Variants in RAD51B observed in about 807,000 individuals in gnomAD.
RAD51B encodes RAD51 paralog B, also known as DNA repair protein RAD51 homolog 2.
In RAD51B, 38 loss-of-function variants were observed where a neutral mutation model predicts 42.2. That is an observed-to-expected ratio of 0.90 (90% CI 0.70 to 1.18). RAD51B has a LOEUF of 1.18. Among genes scored for constraint, RAD51B ranks in the 50% most tolerant of loss-of-function variants. The pLI, the probability that RAD51B is intolerant of heterozygous loss-of-function variation, is 0.00. For synonymous variants in RAD51B, 154 were observed against 145.2 expected, an observed-to-expected ratio of 1.06 and a Z score of -0.43; for missense variants, 373 against 400.7, an observed-to-expected ratio of 0.93 and a Z score of 0.59.
At chr14:67,912,182 A>C (rs1352624642) in intron 7 of RAD51B, among the ~76,000 whole-genome samples, 3 of 152,240 alleles carry the variant, frequency 2.0e-5, no homozygotes, top group African/African-American at 7.2e-5. Flanking sequence ...TTCAATTCAC[A>C]AATTAGATTA....
At chr14:68,200,728 A>C (rs1431283631) in intron 7 of RAD51B, among the ~76,000 whole-genome samples, 1 of 152,116 alleles carries the variant, frequency 6.6e-6, no homozygotes, top group Non-Finnish European at 1.5e-5. Flanking sequence ...ATCACGGCTC[A>C]CTGTAGCCTC....
In RAD51B at chr14:68,551,747, A is replaced by AT. The variant is rs1052686482; in HGVS notation, c.1037-42736dup. 2.0e-5 allele frequency among the ~76,000 whole-genome samples: 3 copies of AT among 152,348 alleles called. No individual in the cohort carries two copies. In the East Asian group the frequency reaches 5.8e-4, roughly 29 times the overall value. The stretch of plus-strand genomic sequence containing the variant: ...TTAATAATAATAATAATAGCTCTGC[A>AT]TTATTAATCATTTTCCATGTGCAGG... On this transcript the variant is annotated intron_variant, in intron 10 of 10. Coordinates refer to the RAD51B transcript ENST00000487270.
chr14:68,663,197 G>T (rs1043284442), intron 11 of RAD51B, among the ~76,000 whole-genome samples: 4 of 152,204 alleles, frequency 2.6e-5, no homozygotes, highest in African/African-American at 9.6e-5. Flanking sequence ...AGCTACTCAG[G>T]AGGCTGAGGC....
intron 7 of RAD51B, among the ~76,000 whole-genome samples, chr14:68,186,373 A>G (rs1341693558): frequency 6.6e-6 from 1 of 152,226 alleles, no homozygotes; most frequent in South Asian, 2.1e-4. Flanking sequence ...GGACCTAATT[A>G]AACTAAAAAG....
At chr14:68,500,656 C>T (rs1884853876) in intron 10 of RAD51B, among the ~76,000 whole-genome samples, 1 of 152,206 alleles carries the variant, frequency 6.6e-6, no homozygotes, top group Non-Finnish European at 1.5e-5. Context: ...AAAACATTTG[C>T]ATTCAGGGGG....
chr14:67,950,862 T>C (rs2074431192), intron 7 of RAD51B, among the ~76,000 whole-genome samples: 1 of 152,208 alleles, frequency 6.6e-6, no homozygotes, highest in Admixed American at 6.5e-5. Context: ...TTAAATGGAC[T>C]AATTTTCATA....
At chr14:68,431,490 G>A (rs2085005264) in intron 9 of RAD51B, among the ~76,000 whole-genome samples, 1 of 152,192 alleles carries the variant, frequency 6.6e-6, no homozygotes, top group South Asian at 2.1e-4. Flanking sequence ...GAGGGTGTAT[G>A]TGTCCAGAAA....
At chr14:68,057,609 T>G (rs2076497861) in intron 7 of RAD51B, among the ~76,000 whole-genome samples, 1 of 152,108 alleles carries the variant, frequency 6.6e-6, no homozygotes, top group Non-Finnish European at 1.5e-5. Context: ...AATTGGAAAA[T>G]TATTGTTCAT....
intron 1 of RAD51B, among the ~76,000 whole-genome samples, chr14:67,820,960 G>C (rs1366196914): frequency 6.6e-6 from 1 of 152,178 alleles, no homozygotes; most frequent in Non-Finnish European, 1.5e-5. Flanking sequence ...GAGTGAGAAG[G>C]AAGTGAGGGA....
At chr14:68,598,952 G>A (rs111467055), downstream of RAD51B, among the ~76,000 whole-genome samples, 217 of 152,316 alleles carry the variant, frequency 1.4e-3, 1 homozygote, top group African/African-American at 5.0e-3. Flanking sequence ...AGATATCACT[G>A]AGAGGAACTG....
chr14:68,166,101 A>G (rs2140840430), intron 7 of RAD51B, among the ~76,000 whole-genome samples: 1 of 151,630 alleles, frequency 6.6e-6, no homozygotes, highest in South Asian at 2.1e-4. Flanking sequence ...CCAAAAGTTG[A>G]GATCTGTATT....
intron 7 of RAD51B, among the ~76,000 whole-genome samples, chr14:68,056,145 G>T (rs891522336): frequency 2.0e-5 from 3 of 151,936 alleles, no homozygotes; most frequent in African/African-American, 7.3e-5. Context: ...AGTGTTATTT[G>T]CTAAAGAAAA....
intron 2 of RAD51B, among the ~76,000 whole-genome samples, 187 bp downstream of exon 2, chr14:67,823,814 C>T (rs1396962642): frequency 1.3e-5 from 2 of 152,150 alleles, no homozygotes; most frequent in Non-Finnish European, 2.9e-5. Flanking sequence ...ATTTCATTTA[C>T]CCAAATTTAG....
At chr14:68,229,174 C>G (rs1467268027) in intron 7 of RAD51B, among the ~76,000 whole-genome samples, 2 of 152,172 alleles carry the variant, frequency 1.3e-5, no homozygotes, top group Non-Finnish European at 2.9e-5. Context: ...AAACAAGCTT[C>G]TCTAGACAGC....
intron 7 of RAD51B, among the ~76,000 whole-genome samples, chr14:68,195,578 A>G (rs2079352545): frequency 6.6e-6 from 1 of 152,196 alleles, no homozygotes; most frequent in Non-Finnish European, 1.5e-5. Context: ...AATAATACGT[A>G]TCTTTTCTCA....
intron 7 of RAD51B, among the ~76,000 whole-genome samples, chr14:68,176,840 C>T (rs1244583092): frequency 1.3e-5 from 2 of 152,144 alleles, no homozygotes; most frequent in African/African-American, 2.4e-5. Flanking sequence ...GTATCTTACA[C>T]AGAAGGCTTC....
chr14:68,502,578 A>T (rs868797271), intron 10 of RAD51B, among the ~76,000 whole-genome samples: 1 of 152,174 alleles, frequency 6.6e-6, no homozygotes, highest in South Asian at 2.1e-4. Flanking sequence ...AAATGCAAAG[A>T]CCACCCACCT....
chr14:68,342,157 C>G (rs2082584420), intron 8 of RAD51B, among the ~76,000 whole-genome samples: 1 of 152,218 alleles, frequency 6.6e-6, no homozygotes, highest in Non-Finnish European at 1.5e-5. Flanking sequence ...GATGTGAACA[C>G]TTGAAGACAG....
intron 7 of RAD51B, among the ~76,000 whole-genome samples, chr14:68,021,360 A>G (rs1293566958): frequency 6.6e-6 from 1 of 152,172 alleles, no homozygotes; most frequent in African/African-American, 2.4e-5. Context: ...ACTCTCAGGA[A>G]GGTTTTTCCT....
Sources: allele counts gnomAD v4.1 joint callset (sites outside exome capture counted in the v4.1 genomes callset), GRCh38; gene constraint gnomAD v4.1.1; transcripts MANE v1.5; gene names NCBI Gene and HGNC (gene_info 2026-07-23, HGNC 2026-07-21).